Variants in PTGR2 observed in about 807,000 individuals in gnomAD.
PTGR2 encodes the protein 15-oxoprostaglandin 13-reductase.
PTGR2 carries 32 observed loss-of-function variants against 43.4 expected under a neutral mutation model. The observed-to-expected ratio is 0.74, with a 90% CI of 0.56 to 0.99. The LOEUF is 0.99. PTGR2 is among the 50% of genes least tolerant of loss of function. PTGR2 has a pLI of 0.00. For missense variants in PTGR2, 373 were observed against 420.0 expected (o/e 0.89, Z 0.98); for synonymous variants, 106 against 139.2 (o/e 0.76, Z 1.68).
At chr14:73,853,807 TAGG>T (rs1251177937) in intron 1 of PTGR2, among the ~76,000 whole-genome samples, 1 of 152,170 alleles carries the variant, frequency 6.6e-6, no homozygotes, top group Admixed American at 6.6e-5. Context: ...TGGTTAGAAC[TAGG>T]AGAAGTACTC....
At chr14:73,874,659 A>C (rs1387528465) in intron 4 of PTGR2, 1 of 454,656 alleles carries the variant, frequency 2.2e-6, no homozygotes, top group Non-Finnish European at 4.4e-6. Context: ...TCAGCCTCCC[A>C]AAGTGCTGAG....
At position 73,879,102 on chromosome 14, in the gene PTGR2, C is replaced by G. The variant is rs762421078; in HGVS notation, c.526C>G (p.His176Asp). ...CTTCAAATTTCCCCCCTAGATTGGC[C>G]ATTTCTTAGGTTGTTCCAGAGTGGT... ...ACGSVAGQIG[H>D]FLGCSRVVGI... Residue 176 changes from histidine (H) to aspartate (D), a missense_variant, in exon 6 of 10, where the codon CAT becomes GAT. Physicochemically the swap from His to Asp is moderately conservative, Grantham distance 81. Transcript: ENST00000555661. The G allele has an allele frequency of 2.4e-5, 38 of 1,613,442 alleles. No homozygotes were observed. Among genetic ancestry groups the G allele is most frequent in the Non-Finnish European group, 3.1e-5 (37 of 1,179,758 alleles).
rs987422330 is a variant in PTGR2 at position 73,853,353 on chromosome 14, G to A, written c.-48+1410G>A. Among the ~76,000 whole-genome samples, 3 of 149,306 alleles carry A rather than the reference G, an allele frequency of 2.0e-5. No homozygotes were observed. The Admixed American group carries it at 2.0e-4, about 10-fold the overall frequency. On this transcript the variant is annotated intron_variant, in intron 1 of 9. Coordinates refer to ENST00000555661, the MANE Select transcript of PTGR2 (RefSeq NM_001146154.2). ...TTCTTTTTTTTTGAGATGGAGTTTC[G>A]CTCTTGTCGCCCATGCTGGAGTGCA...
At chr14:73,882,083 G>A (rs1352087814) in intron 8 of PTGR2, among the ~76,000 whole-genome samples, 1 of 151,996 alleles carries the variant, frequency 6.6e-6, no homozygotes, top group Non-Finnish European at 1.5e-5. Flanking sequence ...CACCTGGACT[G>A]GCCTAGGCTA....
In PTGR2 at chr14:73,885,333, G is replaced by A. The variant is rs1441010353; in HGVS notation, c.*1156G>A. The A allele has an allele frequency of 6.6e-6, 1 of 152,178 alleles. No individual in the cohort carries two copies. The highest frequency in any genetic ancestry group is 1.9e-4 in the East Asian group (1 of 5,198). 9.4% of individuals were successfully genotyped at this position (152,178 alleles called of 1,614,324 possible). On this transcript the variant is annotated 3_prime_UTR_variant, in exon 10 of 10. Coordinates refer to ENST00000555661, the MANE Select transcript of PTGR2 (RefSeq NM_001146154.2). ...GACAACAAAGACAGTTTCAGAAAATGACAGGACTGGGCAAATTAACAAATG... is the reference window on the plus strand; with the variant it reads ...GACAACAAAGACAGTTTCAGAAAATAACAGGACTGGGCAAATTAACAAATG...
In PTGR2 at chr14:73,851,885, T is replaced by G. The variant is rs2054231397; in HGVS notation, c.-106T>G. On this transcript the variant is annotated 5_prime_UTR_variant, in exon 1 of 10. Coordinates refer to ENST00000555661, the MANE Select transcript of PTGR2 (RefSeq NM_001146154.2). ...GAGGCCTGGGGGCGAGCTGGGGTCGTGCAGTACAGCCTCTTTCCGGCAAAT... is the reference window on the plus strand; with the variant it reads ...GAGGCCTGGGGGCGAGCTGGGGTCGGGCAGTACAGCCTCTTTCCGGCAAAT... The G allele has an allele frequency of 6.6e-6, 1 of 152,268 alleles. No individual in the cohort carries two copies. Among genetic ancestry groups the G allele is most frequent in the African/African-American group, 2.4e-5 (1 of 41,430 alleles). 9.4% of individuals were successfully genotyped at this position (152,268 alleles called of 1,614,324 possible).
chr14:73,852,730 G>GA (rs1240239117), intron 1 of PTGR2, among the ~76,000 whole-genome samples: 1 of 152,174 alleles, frequency 6.6e-6, no homozygotes, highest in African/African-American at 2.4e-5. Context: ...AGCAAGATAG[G>GA]AATCTCCACA....
At chr14:73,859,225 G>A (rs1163720433) in intron 2 of PTGR2, among the ~76,000 whole-genome samples, 2 of 152,102 alleles carry the variant, frequency 1.3e-5, no homozygotes, top group Non-Finnish European at 2.9e-5. Flanking sequence ...GTTATTATTG[G>A]TCCTTAAAAT....
chr14:73,875,820 CTTTTTT>C (rs953891690), intron 4 of PTGR2, among the ~76,000 whole-genome samples: 1 of 94,376 alleles, frequency 1.1e-5, no homozygotes, highest in Non-Finnish European at 2.0e-5. Context: ...TTAAAAGTTT[CTTTTTT>C]TTTTTTTTTT....
intron 7 of PTGR2, 123 bp from the exon 8 acceptor site, chr14:73,881,082 A>G: frequency 1.6e-6 from 1 of 608,508 alleles, no homozygotes; most frequent in Non-Finnish European, 3.0e-6. Flanking sequence ...ATCTGATCAG[A>G]CTCAATGTGT....
At chr14:73,868,037 A>G (rs569809607) in intron 3 of PTGR2, among the ~76,000 whole-genome samples, 2 of 152,328 alleles carry the variant, frequency 1.3e-5, no homozygotes, top group Admixed American at 1.3e-4. Context: ...TTGTAATCCT[A>G]GCACTTTGGG....
chr14:73,873,500 G>C (rs1160640161), intron 3 of PTGR2, among the ~76,000 whole-genome samples: 1 of 143,894 alleles, frequency 6.9e-6, no homozygotes, highest in Non-Finnish European at 1.5e-5. Context: ...CGCTCTTGTT[G>C]CCCAGGCTGG....
At chr14:73,880,270 T>C in intron 7 of PTGR2, 94 bp downstream of exon 7, 1 of 1,481,332 alleles carries the variant, frequency 6.8e-7, no homozygotes, top group Non-Finnish European at 9.4e-7. Context: ...AGACACTTTT[T>C]CTTTATTAAA....
intron 3 of PTGR2, among the ~76,000 whole-genome samples, chr14:73,864,676 A>C (rs895299282): frequency 6.6e-6 from 1 of 152,170 alleles, no homozygotes. Flanking sequence ...AGAGTTGTTT[A>C]TATATTCTTG....
chr14:73,879,895 A>G (rs1020050893), intron 6 of PTGR2, 160 bp from the exon 7 acceptor site: 1 of 588,722 alleles, frequency 1.7e-6, no homozygotes. Context: ...AATTATTTCT[A>G]GCTAGTTAAA....
At position 73,853,205 on chromosome 14, in the gene PTGR2, A is replaced by G. The variant is rs556354743; in HGVS notation, c.-48+1262A>G. Among the ~76,000 whole-genome samples the G allele has an allele frequency of 2.0e-5, 3 of 152,084 alleles. No homozygotes were observed. The East Asian group carries it at 5.9e-4, about 30-fold the overall frequency. ...GCACGAAATAAGGGTATTAAAAGGT[A>G]TTAGGAAGCTCATGTGATGGAAATA... is the stretch of plus-strand genomic sequence containing the variant. On this transcript the variant is annotated intron_variant, in intron 1 of 9. Transcript: ENST00000555661.
intron 3 of PTGR2, among the ~76,000 whole-genome samples, chr14:73,872,265 T>A (rs142918097): frequency 8.0e-4 from 122 of 152,320 alleles, no homozygotes; most frequent in African/African-American, 2.9e-3. Context: ...ATAGGGAGCG[T>A]ACTTGGTCTG....
At chr14:73,864,389 A>G (rs569522015) in intron 3 of PTGR2, among the ~76,000 whole-genome samples, 1 of 152,356 alleles carries the variant, frequency 6.6e-6, no homozygotes, top group South Asian at 2.1e-4. Context: ...AAGTGGCTTT[A>G]CCATTTTCCA....
chr14:73,883,616 G>A (rs557660879), intron 9 of PTGR2, among the ~76,000 whole-genome samples: 85 of 152,062 alleles, frequency 5.6e-4, no homozygotes, highest in Non-Finnish European at 8.4e-4. Context: ...CCCCCGAGTA[G>A]CTGGGACTAC....
Sources: gnomAD v4.1 joint callset for allele counts (sites outside exome capture counted in the v4.1 genomes callset) on GRCh38, gnomAD v4.1.1 for gene constraint, MANE v1.5 for transcripts, NCBI Gene and HGNC (gene_info 2026-07-23, HGNC 2026-07-21) for gene names.